The following IGSF21 variants were observed in gnomAD, a reference collection of about 807,000 sequenced individuals.
The protein encoded by IGSF21 is immunoglobin superfamily member 21.
In IGSF21, 28 loss-of-function variants were observed where a neutral mutation model predicts 46.8. The observed-to-expected ratio is 0.60, with a 90% CI of 0.44 to 0.82. The LOEUF (loss-of-function observed/expected upper bound fraction) is 0.82. Among genes scored for constraint, IGSF21 ranks in the 40% least tolerant of loss-of-function variants. The pLI is 0.00. For missense variants in IGSF21, 624 were observed against 665.5 expected (o/e 0.94, Z 0.69); for synonymous variants, 284 against 273.6 (o/e 1.04, Z -0.38).
At chr1:18,249,051 C>T (rs984148844) in intron 2 of IGSF21, among the ~76,000 whole-genome samples, 2 of 152,188 alleles carry the variant, frequency 1.3e-5, no homozygotes, top group African/African-American at 4.8e-5. Flanking sequence ...CCAAATTAAA[C>T]TGGATCATGC....
chr1:18,119,745 G>A (rs2086218360), intron 1 of IGSF21, among the ~76,000 whole-genome samples: 1 of 125,398 alleles, frequency 8.0e-6, no homozygotes, highest in African/African-American at 2.9e-5. Flanking sequence ...GAGGGGGCAA[G>A]GCTTTTAATA....
At chr1:18,158,170 T>C (rs1014509545) in intron 1 of IGSF21, among the ~76,000 whole-genome samples, 1 of 152,098 alleles carries the variant, frequency 6.6e-6, no homozygotes, top group African/African-American at 2.4e-5. Context: ...CTCACACACC[T>C]GCCCTGTCAT....
At chr1:18,231,974 G>T (rs2084631670) in intron 2 of IGSF21, among the ~76,000 whole-genome samples, 1 of 126,550 alleles carries the variant, frequency 7.9e-6, no homozygotes, top group South Asian at 2.5e-4. Context: ...GAGGGAGGGT[G>T]AAAAAAGGGA....
intron 2 of IGSF21, among the ~76,000 whole-genome samples, chr1:18,289,494 C>T (rs977871644): frequency 4.6e-5 from 7 of 152,214 alleles, no homozygotes; most frequent in African/African-American, 7.2e-5. Flanking sequence ...GGGCCTCAGC[C>T]GAATCATTTT....
At chr1:18,341,566 C>T (rs182286977) in intron 4 of IGSF21, among the ~76,000 whole-genome samples, 113 of 152,304 alleles carry the variant, frequency 7.4e-4, no homozygotes, top group African/African-American at 2.5e-3. Context: ...CTGTGCTAAA[C>T]TCTTCTTGTG....
chr1:18,305,620 G>A (rs1333811819), intron 3 of IGSF21, among the ~76,000 whole-genome samples: 1 of 152,132 alleles, frequency 6.6e-6, no homozygotes, highest in African/African-American at 2.4e-5. Context: ...ATGGATGGAT[G>A]GATGAGCTTC....
rs192242970 is a variant in IGSF21 at position 18,164,771 on chromosome 1, C to T, written c.70+56573C>T. ...TTATTATACTTTAAGTTCTAGGGTA[C>T]ATGTGCACAATGTGCAGGTTTGTTA... On this transcript the variant is annotated intron_variant, in intron 1 of 9. Transcript: ENST00000251296. Among the ~76,000 whole-genome samples, 130 of 151,772 alleles carry T rather than the reference C, an allele frequency of 8.6e-4. 1 individual carries two copies. Among genetic ancestry groups the T allele is most frequent in the Non-Finnish European group, 2.4e-4 (16 of 67,950 alleles).
rs960971131 is a variant in IGSF21, at chr1:18,322,482, C to T, written c.306-12410C>T. Among the ~76,000 whole-genome samples the T allele has an allele frequency of 9.2e-5, 14 of 152,248 alleles. No homozygotes were observed. Among genetic ancestry groups the T allele is most frequent in the Middle Eastern group, 3.4e-3 (1 of 294 alleles). On this transcript the variant is annotated intron_variant, in intron 3 of 9. Coordinates refer to ENST00000251296, the MANE Select transcript of IGSF21 (RefSeq NM_032880.5). The surrounding 1 kb of genome is among the most constrained non-coding windows in gnomAD (Gnocchi z 4.3). ...AGATTCCTGTTAAATAAAGCAATCA[C>T]GAACGATAGGAAGGAGGCGGCGAGC...
At chr1:18,141,672 T>A (rs1490241507) in intron 1 of IGSF21, among the ~76,000 whole-genome samples, 3 of 152,210 alleles carry the variant, frequency 2.0e-5, no homozygotes, top group African/African-American at 7.2e-5. Context: ...TCTCTGGGCC[T>A]CCATTTCCTT....
intron 2 of IGSF21, among the ~76,000 whole-genome samples, chr1:18,272,235 G>A (rs925308585): frequency 3.7e-5 from 5 of 136,290 alleles, no homozygotes; most frequent in Admixed American, 8.1e-5. Flanking sequence ...AGGGGAAACC[G>A]CCCCCATGAT....
chr1:18,296,839 C>T (rs1053543625), intron 3 of IGSF21, among the ~76,000 whole-genome samples: 2 of 152,192 alleles, frequency 1.3e-5, no homozygotes, highest in African/African-American at 4.8e-5. Flanking sequence ...CCCTGAGGCC[C>T]TTGTCCCATT....
intron 1 of IGSF21, among the ~76,000 whole-genome samples, chr1:18,150,769 A>C (rs1377677130): frequency 6.6e-6 from 1 of 152,102 alleles, no homozygotes; most frequent in Non-Finnish European, 1.5e-5. Context: ...CCCATCAGGG[A>C]CTCCAGCACT....
intron 1 of IGSF21, among the ~76,000 whole-genome samples, chr1:18,124,926 A>G (rs12401347): frequency 0.12 from 18,262 of 152,176 alleles, 1,625 homozygotes; most frequent in East Asian, 0.35. Context: ...GCAAGTGACC[A>G]GGGAGATGTC....
At chr1:18,351,384 C>T (rs1020284308) in intron 4 of IGSF21, among the ~76,000 whole-genome samples, 27 of 152,160 alleles carry the variant, frequency 1.8e-4, no homozygotes, top group African/African-American at 6.5e-4. Context: ...GCTGTGACCT[C>T]GAGCCAGGTT....
At chr1:18,237,532 G>A (rs1039976968) in intron 2 of IGSF21, among the ~76,000 whole-genome samples, 69 of 152,158 alleles carry the variant, frequency 4.5e-4, no homozygotes, top group African/African-American at 1.6e-3. Context: ...AGGGGAAATA[G>A]GCTTCACATA....
intron 1 of IGSF21, chr1:18,166,902 G>A (rs2086684565): frequency 6.5e-6 from 1 of 153,192 alleles, no homozygotes. Context: ...CCAGAGCAGG[G>A]AGGCAGGAAA....
In IGSF21 at chr1:18,378,255, G is replaced by T; in HGVS notation, c.1334-1G>T. ...GACCCTTTCCCTGATTCCTGGCACA[G>T]GTTCCATTGGCCCCACTGGTGCCCG... On this transcript the variant is annotated splice_acceptor_variant, in intron 9 of 9. Coordinates refer to ENST00000251296, the MANE Select transcript of IGSF21 (RefSeq NM_032880.5). LOFTEE classifies it high-confidence loss of function. The T allele has an allele frequency of 6.2e-7, 1 of 1,613,948 alleles. No homozygotes were observed. Among genetic ancestry groups the T allele is most frequent in the Non-Finnish European group, 8.5e-7 (1 of 1,179,858 alleles).
chr1:18,358,150 C>T (rs1298513369), intron 4 of IGSF21, among the ~76,000 whole-genome samples: 1 of 152,008 alleles, frequency 6.6e-6, no homozygotes, highest in African/African-American at 2.4e-5. Flanking sequence ...CCATTCCAGG[C>T]TCTGCCACTG....
chr1:18,161,434 C>A lies in IGSF21; in HGVS notation c.70+53236C>A, dbSNP rs762621354. On this transcript the variant is annotated intron_variant, in intron 1 of 9. Coordinates refer to ENST00000251296, the MANE Select transcript of IGSF21 (RefSeq NM_032880.5). ...CATCGTGCCCTGTATTCTGAGCCTGCAAATGCCAGCTTGAGTCCCAGAACT... is the reference window on the plus strand; with the variant it reads ...CATCGTGCCCTGTATTCTGAGCCTGAAAATGCCAGCTTGAGTCCCAGAACT... 4.4e-4 allele frequency among the ~76,000 whole-genome samples: 67 copies of A among 152,120 alleles called. 1 individual carries two copies. Among genetic ancestry groups the A allele is most frequent in the Non-Finnish European group, 5.9e-5 (4 of 68,012 alleles).
Sources: gnomAD v4.1 joint callset for allele counts (sites outside exome capture counted in the v4.1 genomes callset) on GRCh38, gnomAD v4.1.1 for gene constraint, Gnocchi (gnomAD v3.1) non-coding constraint, MANE v1.5 for transcripts, NCBI Gene and HGNC (gene_info 2026-07-23, HGNC 2026-07-21) for gene names.